The following SCOC variants were observed in gnomAD, a reference collection of about 807,000 sequenced individuals.
The protein encoded by SCOC is short coiled-coil protein.
A neutral mutation model predicts 9.9 loss-of-function variants in SCOC; 7 were observed. That is an observed-to-expected ratio of 0.71 (90% CI 0.40 to 1.33). The LOEUF (loss-of-function observed/expected upper bound fraction) is 1.33, where lower values mean the gene tolerates loss of function less well. SCOC is among the 40% of genes most tolerant of loss of function. The pLI, the probability that SCOC is intolerant of heterozygous loss-of-function variation, is 0.01. For synonymous variants in SCOC, 19 were observed against 28.2 expected (o/e 0.67, Z 1.03); for missense variants, 66 against 89.7 (o/e 0.74, Z 1.07).
chr4:140,362,280 T>TCTTCTTC (rs1727555426), intron 2 of SCOC, among the ~76,000 whole-genome samples: 1 of 10,812 alleles, frequency 9.2e-5, no homozygotes, highest in Non-Finnish European at 1.6e-4. Flanking sequence ...TGTCCTTACT[T>TCTTCTTC]CTTCTTCTTC....
intron 2 of SCOC, among the ~76,000 whole-genome samples, chr4:140,357,113 G>A (rs115024669): frequency 0.013 from 2,003 of 152,180 alleles, 45 homozygotes; most frequent in African/African-American, 0.046. Flanking sequence ...GAGACTACAG[G>A]AGCCTGCCTC....
At chr4:140,269,841 C>A (rs1370213565) in intron 1 of SCOC, among the ~76,000 whole-genome samples, 1 of 151,952 alleles carries the variant, frequency 6.6e-6, no homozygotes, top group Non-Finnish European at 1.5e-5. Context: ...ACCTTAATCT[C>A]CTGGGCTCAA....
chr4:140,266,766 C>T (rs1390835550), intron 1 of SCOC, among the ~76,000 whole-genome samples: 1 of 151,900 alleles, frequency 6.6e-6, no homozygotes, highest in Admixed American at 6.6e-5. Context: ...TGTGCTGGTT[C>T]CCAAAGATTA....
At chr4:140,282,587 C>T (rs576248428) in intron 1 of SCOC, among the ~76,000 whole-genome samples, 135 of 152,190 alleles carry the variant, frequency 8.9e-4, no homozygotes, top group African/African-American at 3.2e-3. Flanking sequence ...AAAGAGAATA[C>T]GCTTGCTCAT....
chr4:140,306,059 T>C (rs1033115156), intron 1 of SCOC, among the ~76,000 whole-genome samples: 9 of 152,206 alleles, frequency 5.9e-5, no homozygotes, highest in Admixed American at 5.9e-4. Flanking sequence ...CTCATGCTAC[T>C]AATAAAGACA....
At chr4:140,260,463 T>TGACCA (rs1730606984) in intron 1 of SCOC, among the ~76,000 whole-genome samples, 1 of 152,242 alleles carries the variant, frequency 6.6e-6, no homozygotes, top group Non-Finnish European at 1.5e-5. Flanking sequence ...GAGGTCATCT[T>TGACCA]GACCAGTTTC....
At chr4:140,352,210 A>G (rs1288638250) in intron 2 of SCOC, among the ~76,000 whole-genome samples, 1 of 152,228 alleles carries the variant, frequency 6.6e-6, no homozygotes, top group Non-Finnish European at 1.5e-5. Context: ...CATATCCTTA[A>G]GGGTATTGAA....
upstream of SCOC, among the ~76,000 whole-genome samples, chr4:140,343,002 TTTC>T (rs56849156): frequency 0.2 from 29,825 of 152,050 alleles, 3,781 homozygotes; most frequent in African/African-American, 0.35. Flanking sequence ...TTCATATATA[TTTC>T]TTCTTATTTC....
intron 1 of SCOC, among the ~76,000 whole-genome samples, chr4:140,295,318 C>G (rs923394430): frequency 6.6e-6 from 1 of 152,024 alleles, no homozygotes; most frequent in Non-Finnish European, 1.5e-5. Context: ...CCATGGTTGC[C>G]TGGACCATGG....
chr4:140,343,533 C>T (rs1037343094), intron 1 of SCOC: 3 of 810,886 alleles, frequency 3.7e-6, no homozygotes, highest in Non-Finnish European at 6.2e-6. Context: ...ATAGCACCTG[C>T]TTGGAAGTTC....
chr4:140,380,783 C>T (rs1213584511), intron 3 of SCOC, among the ~76,000 whole-genome samples, 179 bp from the exon 4 acceptor site: 3 of 152,088 alleles, frequency 2.0e-5, no homozygotes, highest in Non-Finnish European at 2.9e-5. Flanking sequence ...TGTGAAATAT[C>T]TTTTTAGGAA....
intron 1 of SCOC, among the ~76,000 whole-genome samples, chr4:140,323,748 C>A (rs1452755496): frequency 6.6e-6 from 1 of 152,128 alleles, no homozygotes; most frequent in Non-Finnish European, 1.5e-5. Flanking sequence ...TTTGAAACTT[C>A]TAAAAAGGAA....
chr4:140,303,861 T>C (rs534606737), intron 1 of SCOC, among the ~76,000 whole-genome samples: 1 of 152,306 alleles, frequency 6.6e-6, no homozygotes, highest in East Asian at 1.9e-4. Context: ...GGGATATAGA[T>C]GATAAAGAAA....
chr4:140,298,206 T>A (rs962486514), intron 1 of SCOC, among the ~76,000 whole-genome samples: 5 of 152,244 alleles, frequency 3.3e-5, no homozygotes, highest in Non-Finnish European at 7.3e-5. Context: ...TGCTGAGTCG[T>A]CCCTGGTTCC....
chr4:140,320,875 G>A (rs1013166924), intron 1 of SCOC, among the ~76,000 whole-genome samples: 2 of 152,166 alleles, frequency 1.3e-5, no homozygotes, highest in African/African-American at 4.8e-5. Context: ...CACTACAGCT[G>A]GAAAAGTTGC....
intron 1 of SCOC, among the ~76,000 whole-genome samples, chr4:140,289,223 G>A (rs1731397030): frequency 6.6e-6 from 1 of 152,170 alleles, no homozygotes; most frequent in Non-Finnish European, 1.5e-5. Flanking sequence ...ATTAAGGAGG[G>A]TCACTCCTGC....
chr4:140,272,128 C>T (rs1442093421), intron 1 of SCOC, among the ~76,000 whole-genome samples: 17 of 150,698 alleles, frequency 1.1e-4, no homozygotes, highest in African/African-American at 2.9e-4. Flanking sequence ...GTGATCATGG[C>T]TCACTGCAGG....
At chr4:140,310,397 T>A (rs1464271334) in intron 1 of SCOC, among the ~76,000 whole-genome samples, 1 of 152,238 alleles carries the variant, frequency 6.6e-6, no homozygotes, top group Non-Finnish European at 1.5e-5. Flanking sequence ...ACCAGCTGCC[T>A]GTTGCCAGTG....
intron 1 of SCOC, among the ~76,000 whole-genome samples, chr4:140,287,276 C>T (rs1341229436): frequency 6.7e-6 from 1 of 149,402 alleles, no homozygotes; most frequent in African/African-American, 2.6e-5. Context: ...ATCATGTGCA[C>T]ATGCCACACA....
Sources: allele counts gnomAD v4.1 joint callset (sites outside exome capture counted in the v4.1 genomes callset), GRCh38; gene constraint gnomAD v4.1.1; transcripts MANE v1.5; gene names NCBI Gene and HGNC (gene_info 2026-07-23, HGNC 2026-07-21).